The following SCOC variants were observed in gnomAD, a reference collection of about 807,000 sequenced individuals.
The protein encoded by SCOC is short coiled coil protein.
Under a neutral mutation model 9.9 loss-of-function variants are expected in SCOC, and 7 were observed. The ratio of observed to expected loss-of-function variants is 0.71; its 90% CI spans 0.40 to 1.33. The LOEUF (loss-of-function observed/expected upper bound fraction) is 1.33, where lower values mean the gene tolerates loss of function less well. Among genes scored for constraint, SCOC ranks in the 40% most tolerant of loss-of-function variants. The pLI, the probability that SCOC is intolerant of heterozygous loss-of-function variation, is 0.01. For missense variants in SCOC, 66 were observed against 89.7 expected (o/e 0.74, Z 1.07); for synonymous variants, 19 against 28.2 (o/e 0.67, Z 1.03).
intron 1 of SCOC, among the ~76,000 whole-genome samples, chr4:140,261,322 T>TC (rs1368346922): frequency 2.0e-5 from 3 of 152,166 alleles, no homozygotes; most frequent in Non-Finnish European, 4.4e-5. Flanking sequence ...GAAAATGCCA[T>TC]CACCCCACCA....
chr4:140,288,028 C>T (rs1731348471), intron 1 of SCOC, among the ~76,000 whole-genome samples: 1 of 152,010 alleles, frequency 6.6e-6, no homozygotes, highest in Non-Finnish European at 1.5e-5. Flanking sequence ...CCACACTTTA[C>T]ACACATACCA....
upstream of SCOC, among the ~76,000 whole-genome samples, chr4:140,370,692 G>A (rs541167572): frequency 3.9e-5 from 6 of 152,254 alleles, no homozygotes; most frequent in South Asian, 6.2e-4. Flanking sequence ...TTGTAGCACT[G>A]TGGTTAGGAT....
At chr4:140,292,990 C>T (rs1435133035) in intron 1 of SCOC, among the ~76,000 whole-genome samples, 1 of 152,224 alleles carries the variant, frequency 6.6e-6, no homozygotes, top group African/African-American at 2.4e-5. Context: ...TATAAACTAC[C>T]AGCAAGGCCC....
chr4:140,362,145 G>A (rs374401604), intron 2 of SCOC, among the ~76,000 whole-genome samples: 1 of 144,996 alleles, frequency 6.9e-6, no homozygotes, highest in South Asian at 2.4e-4. Flanking sequence ...AGAGAGCCTG[G>A]CCATATCTTT....
At chr4:140,320,082 T>G (rs929385104) in intron 1 of SCOC, among the ~76,000 whole-genome samples, 2 of 152,122 alleles carry the variant, frequency 1.3e-5, no homozygotes, top group Non-Finnish European at 2.9e-5. Flanking sequence ...GCATTCTAAG[T>G]CACAGGATGA....
intron 1 of SCOC, among the ~76,000 whole-genome samples, chr4:140,290,642 A>G (rs1578776284): frequency 6.6e-6 from 1 of 152,280 alleles, no homozygotes; most frequent in South Asian, 2.1e-4. Context: ...GTGAAACCCC[A>G]TCTCTACTAA....
chr4:140,325,576 T>C (rs1732621506), intron 1 of SCOC, among the ~76,000 whole-genome samples: 1 of 151,954 alleles, frequency 6.6e-6, no homozygotes, highest in Non-Finnish European at 1.5e-5. Flanking sequence ...CAAATAAATA[T>C]AAAAGAGGTG....
At chr4:140,261,245 G>A (rs148305859) in intron 1 of SCOC, among the ~76,000 whole-genome samples, 1 of 152,316 alleles carries the variant, frequency 6.6e-6, no homozygotes, top group Non-Finnish European at 1.5e-5. Context: ...GTGGCACTAG[G>A]CAGAAGAGTA....
At chr4:140,329,085 T>C (rs567069976) in intron 1 of SCOC, among the ~76,000 whole-genome samples, 18 of 152,272 alleles carry the variant, frequency 1.2e-4, no homozygotes, top group Non-Finnish European at 2.4e-4. Context: ...CAGCATCGTA[T>C]TGGTATAAAA....
chr4:140,379,278 T>C, intron 2 of SCOC, 86 bp downstream of exon 2: 4 of 924,118 alleles, frequency 4.3e-6, no homozygotes, highest in South Asian at 4.0e-5. Context: ...AGAGAAACCA[T>C]GTTTAGAAGA....
intron 1 of SCOC, among the ~76,000 whole-genome samples, chr4:140,319,544 T>A (rs7673899): frequency 1.3e-5 from 2 of 152,118 alleles, no homozygotes; most frequent in Admixed American, 6.5e-5. Flanking sequence ...ATTTCATTTT[T>A]TTCTCATTTT....
chr4:140,270,549 TGGTA>T (rs1560675906), intron 1 of SCOC, among the ~76,000 whole-genome samples: 1 of 152,126 alleles, frequency 6.6e-6, no homozygotes, highest in African/African-American at 2.4e-5. Context: ...TTGTCCAGGC[TGGTA>T]CTGGGATTGG....
At chr4:140,303,938 A>C (rs775754076) in intron 1 of SCOC, among the ~76,000 whole-genome samples, 16 of 152,204 alleles carry the variant, frequency 1.1e-4, no homozygotes, top group South Asian at 2.1e-4. Context: ...TTATTCAACA[A>C]ATTCTAATGG....
intron 1 of SCOC, among the ~76,000 whole-genome samples, chr4:140,270,096 C>G (rs17005670): frequency 0.036 from 5,545 of 152,162 alleles, 213 homozygotes; most frequent in African/African-American, 0.1. Context: ...ATTTAGTAAG[C>G]TTTAGTGTCA....
chr4:140,373,894 A>G (rs1478748818), intron 1 of SCOC, 177 bp downstream of exon 1: 1 of 744,072 alleles, frequency 1.3e-6, no homozygotes, highest in South Asian at 1.5e-5. Flanking sequence ...GGCTCCCGGC[A>G]GAACCCTTGC....
chr4:140,337,111 A>G (rs1178753805), intron 1 of SCOC, among the ~76,000 whole-genome samples: 1 of 152,158 alleles, frequency 6.6e-6, no homozygotes, highest in Non-Finnish European at 1.5e-5. Context: ...TTGAGTTGTG[A>G]GAGTTGTTTA....
chr4:140,300,124 C>G (rs1731770859), intron 1 of SCOC, among the ~76,000 whole-genome samples: 1 of 152,190 alleles, frequency 6.6e-6, no homozygotes, highest in African/African-American at 2.4e-5. Flanking sequence ...GAGACAAAGG[C>G]CGCAGGTTTG....
chr4:140,345,973 A>T (rs1726721043), intron 2 of SCOC, among the ~76,000 whole-genome samples: 1 of 152,196 alleles, frequency 6.6e-6, no homozygotes, highest in Non-Finnish European at 1.5e-5. Context: ...TTACAACATC[A>T]TCATGATATT....
intron 1 of SCOC, among the ~76,000 whole-genome samples, chr4:140,301,717 G>A (rs190679080): frequency 1.6e-4 from 25 of 152,318 alleles, no homozygotes; most frequent in African/African-American, 4.8e-4. Context: ...ATGGCTGAAC[G>A]TGCATGTACT....
Sources: allele counts gnomAD v4.1 joint callset (sites outside exome capture counted in the v4.1 genomes callset), GRCh38; gene constraint gnomAD v4.1.1; transcripts MANE v1.5; gene names NCBI Gene and HGNC (gene_info 2026-07-23, HGNC 2026-07-21).